Variants in RANBP2 observed in about 807,000 individuals in gnomAD.
RANBP2 encodes RAN binding protein 2, also known as E3 SUMO-protein ligase RanBP2.
In RANBP2, 57 loss-of-function variants were observed where a neutral mutation model predicts 303.6. The observed-to-expected ratio is 0.19, with a 90% CI of 0.15 to 0.23. RANBP2 has a LOEUF of 0.23. Among genes scored for constraint, RANBP2 ranks in the 10% least tolerant of loss-of-function variants. RANBP2 has a pLI of 1.00. For synonymous variants in RANBP2, 1,167 were observed against 1,301.5 expected, an observed-to-expected ratio of 0.90 and a Z score of 2.23; for missense variants, 3,138 against 3,780.8, an observed-to-expected ratio of 0.83 and a Z score of 4.46.
the RANBP2 span, among the ~76,000 whole-genome samples, chr2:109,102,700 G>A: frequency 2.0e-5 from 3 of 152,092 alleles, no homozygotes; most frequent in South Asian, 4.1e-4. Flanking sequence ...GGGAGAGGGA[G>A]GATGAGGAAG....
the RANBP2 span, among the ~76,000 whole-genome samples, chr2:109,492,123 A>G: frequency 6.6e-6 from 1 of 152,188 alleles, no homozygotes; most frequent in African/African-American, 2.4e-5. Context: ...CACACACTGT[A>G]TGTAGATGAA....
the RANBP2 span, among the ~76,000 whole-genome samples, chr2:109,394,694 TAAAC>T: frequency 9.8e-5 from 15 of 152,368 alleles, no homozygotes; most frequent in Admixed American, 8.5e-4. Flanking sequence ...GTCCACCTGA[TAAAC>T]AAGGTGACGC....
At chr2:109,438,386 A>G in the RANBP2 span, among the ~76,000 whole-genome samples, 1 of 152,192 alleles carries the variant, frequency 6.6e-6, no homozygotes, top group East Asian at 1.9e-4. Context: ...CAGTGGGTGC[A>G]GGTGGACTTC....
chr2:109,709,321 A>AT, the RANBP2 span, among the ~76,000 whole-genome samples: 11 of 143,546 alleles, frequency 7.7e-5, no homozygotes, highest in African/African-American at 1.1e-4. Context: ...ATAAAATAAA[A>AT]TAAAATAAAA....
the RANBP2 span, chr2:108,897,135 C>T: frequency 1.4e-4 from 220 of 1,613,988 alleles, no homozygotes; most frequent in Middle Eastern, 1.5e-3. Flanking sequence ...GGTGGCGCCA[C>T]GTTTTCACAA....
chr2:109,169,702 C>T, the RANBP2 span, among the ~76,000 whole-genome samples: 1 of 151,722 alleles, frequency 6.6e-6, no homozygotes, highest in Non-Finnish European at 1.5e-5. Flanking sequence ...ATATCTCTCT[C>T]TCTATATATA....
the RANBP2 span, among the ~76,000 whole-genome samples, chr2:109,558,314 T>G: frequency 6.6e-6 from 1 of 152,152 alleles, no homozygotes; most frequent in Non-Finnish European, 1.5e-5. Flanking sequence ...ATTTAGTTCT[T>G]GAGAATTCCA....
downstream of RANBP2, among the ~76,000 whole-genome samples, chr2:108,789,408 C>G (rs141196130): frequency 1.9e-3 from 290 of 152,182 alleles, 3 homozygotes; most frequent in African/African-American, 6.8e-3. Context: ...TCCTGGCCAA[C>G]ATGGTGAAAT....
the RANBP2 span, among the ~76,000 whole-genome samples, chr2:109,193,131 AT>A: frequency 6.6e-6 from 1 of 152,202 alleles, no homozygotes; most frequent in African/African-American, 2.4e-5. Context: ...CAGCAGTTGG[AT>A]TTTGAATCCC....
At chr2:109,036,218 T>G in the RANBP2 span, among the ~76,000 whole-genome samples, 1 of 152,186 alleles carries the variant, frequency 6.6e-6, no homozygotes, top group Non-Finnish European at 1.5e-5. Context: ...AAATTAAAGT[T>G]ATAAGCAAAC....
chr2:109,113,664 A>G, the RANBP2 span, among the ~76,000 whole-genome samples: 1 of 152,330 alleles, frequency 6.6e-6, no homozygotes, highest in South Asian at 2.1e-4. Context: ...AGAACTTCCA[A>G]CACTATGTTG....
the RANBP2 span, among the ~76,000 whole-genome samples, chr2:109,658,558 G>A: frequency 6.6e-6 from 1 of 152,346 alleles, no homozygotes; most frequent in South Asian, 2.1e-4. Context: ...TCGTGGGAAA[G>A]GATCTTATTA....
the RANBP2 span, among the ~76,000 whole-genome samples, chr2:109,338,188 C>T: frequency 6.6e-6 from 1 of 152,176 alleles, no homozygotes. Flanking sequence ...GTGCCAGGCA[C>T]TGTTAGGAGT....
At chr2:109,171,732 C>T in the RANBP2 span, among the ~76,000 whole-genome samples, 2 of 152,244 alleles carry the variant, frequency 1.3e-5, no homozygotes, top group South Asian at 4.1e-4. Flanking sequence ...CTGCGCCTGG[C>T]GCTGCCCTCC....
At chr2:108,828,920 G>A in the RANBP2 span, among the ~76,000 whole-genome samples, 8 of 152,136 alleles carry the variant, frequency 5.3e-5, no homozygotes, top group African/African-American at 1.9e-4. Flanking sequence ...GGAGGTTGCA[G>A]TGAGCCGAGA....
the RANBP2 span, among the ~76,000 whole-genome samples, chr2:108,800,608 C>CCTTTTT: frequency 3.0e-5 from 1 of 33,492 alleles, no homozygotes; most frequent in East Asian, 1.2e-3. Flanking sequence ...CTCAGTTTAG[C>CCTTTTT]TTTTTTTTTT....
At chr2:109,120,169 T>A in the RANBP2 span, among the ~76,000 whole-genome samples, 1 of 152,320 alleles carries the variant, frequency 6.6e-6, no homozygotes, top group East Asian at 1.9e-4. Context: ...CCCTGCTCAC[T>A]GCAGGCTACC....
At chr2:109,689,042 G>C in the RANBP2 span, among the ~76,000 whole-genome samples, 2 of 151,780 alleles carry the variant, frequency 1.3e-5, no homozygotes, top group Non-Finnish European at 2.9e-5. Context: ...GAGTAGGTGG[G>C]ATTACAGGCA....
At chr2:109,421,704 G>A in the RANBP2 span, among the ~76,000 whole-genome samples, 2 of 152,170 alleles carry the variant, frequency 1.3e-5, no homozygotes, top group Admixed American at 1.3e-4. Flanking sequence ...TTGGGTAAGA[G>A]GGAAGGGAAA....
Sources: allele counts gnomAD v4.1 joint callset (sites outside exome capture counted in the v4.1 genomes callset), GRCh38; gene constraint gnomAD v4.1.1; transcripts MANE v1.5; gene names NCBI Gene and HGNC (gene_info 2026-07-23, HGNC 2026-07-21).